CCDC33: variants seen among roughly 807,000 people sequenced by gnomAD.
CCDC33 encodes the protein coiled-coil domain-containing protein 33.
A neutral mutation model predicts 91.9 loss-of-function variants in CCDC33; 94 were observed. That is an observed-to-expected ratio of 1.02 (90% CI 0.87 to 1.21). CCDC33 has a LOEUF of 1.21. CCDC33 is among the 50% of genes most tolerant of loss of function. CCDC33 has a pLI of 0.00. For synonymous variants in CCDC33, 396 were observed against 374.5 expected, an observed-to-expected ratio of 1.06 and a Z score of -0.66; for missense variants, 940 against 935.5, an observed-to-expected ratio of 1.00 and a Z score of -0.06.
At chr15:74,239,365 T>C (rs2075277164) in intron 1 of CCDC33, among the ~76,000 whole-genome samples, 1 of 152,042 alleles carries the variant, frequency 6.6e-6, no homozygotes, top group Admixed American at 6.6e-5. Context: ...TCCTACCTCC[T>C]CCTCTCACCC....
chr15:74,331,368 C>T lies in CCDC33; in HGVS notation c.1771+72C>T, dbSNP rs1297106361. The T allele has an allele frequency of 3.3e-6, 5 of 1,495,694 alleles. No individual in the cohort carries two copies. The East Asian group carries it at 9.4e-5, about 28-fold the overall frequency. 92.7% of individuals were successfully genotyped at this position (1,495,694 alleles called of 1,614,324 possible). On this transcript the variant is annotated intron_variant, in intron 15 of 18. Coordinates refer to ENST00000398814, the MANE Select transcript of CCDC33 (RefSeq NM_025055.5). ...CCCTGGAGGCCCTGCCTTCCTGGAGCCTCTCAGCTTCAGGAGAACCTGCGA... is the reference window on the plus strand; with the variant it reads ...CCCTGGAGGCCCTGCCTTCCTGGAGTCTCTCAGCTTCAGGAGAACCTGCGA...
Position 74,218,278 on chromosome 15 carries a change from C to T in CCDC33, c.311-219C>T, listed in dbSNP as rs2074499848. Among the ~76,000 whole-genome samples, 3 of 152,208 alleles carry T rather than the reference C, an allele frequency of 2.0e-5. No individual in the cohort carries two copies. The highest frequency in any genetic ancestry group is 2.9e-5 in the Non-Finnish European group (2 of 68,036). On this transcript the variant is annotated intron_variant, in intron 1 of 2. Transcript: ENST00000635913. The surrounding 1 kb of genome is among the most constrained non-coding windows in gnomAD (Gnocchi z 4.8). ...AGGCTAAGCCCTCCCTTCCTCACCC[C>T]TGCCCGGTGGGCTTGGATTGGGCAT...
Position 74,236,743 on chromosome 15 carries a change from A to G in CCDC33, c.21+3A>G. 6.2e-7 allele frequency: 1 copy of G among 1,613,904 alleles called. No homozygotes were observed. The highest frequency in any genetic ancestry group is 8.5e-7 in the Non-Finnish European group (1 of 1,179,868). ...GGATGGGACTGAAAAACAAAAAGGT[A>G]AGGCCAGGGGCATGGGCCATGCACC... On this transcript the variant is annotated splice_donor_region_variant and intron_variant, in intron 1 of 18. Transcript: ENST00000398814.
At chr15:74,230,394 C>T (rs1411115147) in intron 2 of CCDC33, among the ~76,000 whole-genome samples, 1 of 152,166 alleles carries the variant, frequency 6.6e-6, no homozygotes, top group African/African-American at 2.4e-5. Flanking sequence ...TGGCAGGCAG[C>T]TTCATTGCTC....
chr15:74,296,808 C>T (rs774798838), intron 11 of CCDC33, among the ~76,000 whole-genome samples: 2 of 152,040 alleles, frequency 1.3e-5, no homozygotes, highest in African/African-American at 2.4e-5. Context: ...TTTCAGCCCT[C>T]GATGCAGAGA....
rs116445361 is a variant in CCDC33 at position 74,243,443 on chromosome 15, G to C, written c.22-542G>C. Among the ~76,000 whole-genome samples the C allele has an allele frequency of 6.4e-3, 975 of 152,344 alleles. 9 individuals are homozygous for C. Among genetic ancestry groups the C allele is most frequent in the African/African-American group, 0.021 (880 of 41,580 alleles). ...TTAGAAGTGGGACCAGACTTGAAAG[G>C]TGAGGTGGCCTGTCTCATCCTGCAG... On this transcript the variant is annotated intron_variant, in intron 1 of 18. Coordinates refer to ENST00000398814, the MANE Select transcript of CCDC33 (RefSeq NM_025055.5).
chr15:74,309,370 G>A (rs1460412856), intron 11 of CCDC33, among the ~76,000 whole-genome samples: 1 of 152,188 alleles, frequency 6.6e-6, no homozygotes, highest in East Asian at 1.9e-4. Flanking sequence ...CGTGCAGTGG[G>A]TGCTCAGTAA....
At chr15:74,323,621 G>A (rs969349555) in intron 11 of CCDC33, among the ~76,000 whole-genome samples, 1 of 151,980 alleles carries the variant, frequency 6.6e-6, no homozygotes, top group Non-Finnish European at 1.5e-5. Flanking sequence ...TCCGCCTCCC[G>A]GGTTCAAGTG....
chr15:74,300,476 C>G (rs1050646868), intron 11 of CCDC33: 1 of 152,220 alleles, frequency 6.6e-6, no homozygotes, highest in Non-Finnish European at 1.5e-5. Flanking sequence ...GAGCAGCAGG[C>G]GCCAGCGACA....
chr15:74,267,085 C>T (rs1323666863), intron 4 of CCDC33, among the ~76,000 whole-genome samples: 1 of 152,200 alleles, frequency 6.6e-6, no homozygotes, highest in South Asian at 2.1e-4. Flanking sequence ...GTTAAAAGAG[C>T]GGATCTAAAA....
chr15:74,329,440 G>A (rs573194625), intron 11 of CCDC33, among the ~76,000 whole-genome samples: 56 of 152,282 alleles, frequency 3.7e-4, no homozygotes, highest in African/African-American at 1.3e-3. Context: ...TTGGTATAAC[G>A]GAGATAATAG....
intron 11 of CCDC33, among the ~76,000 whole-genome samples, chr15:74,297,366 G>C (rs1344412860): frequency 6.6e-6 from 1 of 152,160 alleles, no homozygotes; most frequent in Non-Finnish European, 1.5e-5. Flanking sequence ...TGGCCTCGTG[G>C]TTCCCCCTTC....
At chr15:74,285,438 C>T (rs1447579648) in intron 10 of CCDC33, among the ~76,000 whole-genome samples, 1 of 152,144 alleles carries the variant, frequency 6.6e-6, no homozygotes, top group Non-Finnish European at 1.5e-5. Flanking sequence ...TCCTGTGCTG[C>T]CATGACAGAC....
chr15:74,328,823 C>G (rs1220299180), intron 11 of CCDC33, among the ~76,000 whole-genome samples: 1 of 152,190 alleles, frequency 6.6e-6, no homozygotes, highest in Admixed American at 6.5e-5. Flanking sequence ...TGCTGGGGGC[C>G]GAGCTCTGCT....
intron 11 of CCDC33, among the ~76,000 whole-genome samples, chr15:74,327,978 C>A (rs1403806390): frequency 6.6e-6 from 1 of 152,208 alleles, no homozygotes; most frequent in Non-Finnish European, 1.5e-5. Flanking sequence ...ACAAGCTGTG[C>A]TGCAGTGAGC....
intron 1 of CCDC33, among the ~76,000 whole-genome samples, chr15:74,205,203 A>G (rs2074233005): frequency 2.0e-5 from 3 of 152,018 alleles, no homozygotes; most frequent in Non-Finnish European, 4.4e-5. Flanking sequence ...CAGAGGGGAG[A>G]GAGGGAGGTA....
chr15:74,331,431 G>A (rs2060436873), intron 15 of CCDC33, 135 bp downstream of exon 15: 3 of 867,820 alleles, frequency 3.5e-6, no homozygotes, highest in African/African-American at 3.4e-5. Context: ...GTGGGCCTGG[G>A]AGACCCAGGA....
chr15:74,211,393 C>CTTTTTTTTT (rs34963230), intron 2 of CCDC33, among the ~76,000 whole-genome samples: 3 of 73,902 alleles, frequency 4.1e-5, no homozygotes, highest in African/African-American at 5.4e-5. Context: ...CTGCCCCTGG[C>CTTTTTTTTT]TTTTTTTTTT....
At chr15:74,284,904 A>G (rs1251997746) in intron 10 of CCDC33, among the ~76,000 whole-genome samples, 1 of 152,274 alleles carries the variant, frequency 6.6e-6, no homozygotes. Flanking sequence ...GGAAGGCAGC[A>G]GCAGGGCTGG....
Sources: allele counts gnomAD v4.1 joint callset (sites outside exome capture counted in the v4.1 genomes callset), GRCh38; gene constraint gnomAD v4.1.1; non-coding constraint Gnocchi (gnomAD v3.1); transcripts MANE v1.5; gene names NCBI Gene and HGNC (gene_info 2026-07-23, HGNC 2026-07-21).